TRPC3: variants seen among roughly 807,000 people sequenced by gnomAD.
TRPC3 encodes the protein transient receptor potential cation channel subfamily C member 3.
TRPC3 carries 54 observed loss-of-function variants against 90.9 expected under a neutral mutation model. The observed-to-expected ratio is 0.59, with a 90% CI of 0.48 to 0.75. The LOEUF is 0.75. Ranked by LOEUF, TRPC3 falls within the 30% of genes least tolerant of loss-of-function variation. TRPC3 has a pLI of 0.00. For missense variants in TRPC3, 918 were observed against 1,194.5 expected, an observed-to-expected ratio of 0.77 and a Z score of 3.41; for synonymous variants, 424 against 450.9, an observed-to-expected ratio of 0.94 and a Z score of 0.75.
intron 10 of TRPC3, among the ~76,000 whole-genome samples, chr4:121,895,578 G>C (rs28772897): frequency 2.5e-3 from 382 of 151,924 alleles, no homozygotes; most frequent in African/African-American, 7.7e-3. Flanking sequence ...CAATAAATTA[G>C]AAAACCTGGG....
In TRPC3 at chr4:121,951,564, G is replaced by A. The variant is rs1396082; in HGVS notation, c.117C>T (p.Gly39=). ...EGAEPQRRRR[G]WRGVNGGLEP... Reference sequence around the variant, plus strand: ...CCAGCCCCCCGTTGACGCCCCTCCAGCCCCGGCGGCGGCGCTGCGGCTCCG... The same window carrying A: ...CCAGCCCCCCGTTGACGCCCCTCCAACCCCGGCGGCGGCGCTGCGGCTCCG... Residue 39 remains glycine, a synonymous_variant, in exon 1 of 12, where the codon GGC becomes GGT. Transcript: ENST00000379645. The surrounding 1 kb of genome is among the most constrained non-coding windows in gnomAD (Gnocchi z 4.4). 738,721 of 1,443,972 alleles carry A rather than the reference G, an allele frequency of 0.51. 194,952 individuals are homozygous for A. Among genetic ancestry groups the A allele is most frequent in the East Asian group, 0.55 (18,101 of 32,718 alleles). The allele number at this position is 1,443,972 out of a possible 1,614,324, so 89.4% of individuals were successfully genotyped here. A position where few individuals can be genotyped will look rare whatever the true frequency, so the allele number is the denominator to read the frequency against.
In TRPC3 at chr4:121,877,109, C is replaced by T. The variant is rs1345539682; in HGVS notation, c.*2627G>A. ...AGGGAAAAGACTTGCTGACCCAGAG[C>T]TATCTTTATCCTCAAGTGAAGGACT... On this transcript the variant is annotated 3_prime_UTR_variant, in exon 12 of 12. Coordinates refer to ENST00000379645, the MANE Select transcript of TRPC3 (RefSeq NM_001130698.2). 6.6e-6 allele frequency among the ~76,000 whole-genome samples: 1 copy of T among 152,188 alleles called. No homozygotes were observed.
intron 10 of TRPC3, among the ~76,000 whole-genome samples, chr4:121,891,374 T>TAA (rs758122450): frequency 5.9e-5 from 9 of 152,156 alleles, no homozygotes; most frequent in Non-Finnish European, 1.2e-4. Context: ...AAGAAAGAGA[T>TAA]AAACAGAAAA....
chr4:121,893,437 T>A (rs1728402424), intron 10 of TRPC3, among the ~76,000 whole-genome samples: 1 of 152,214 alleles, frequency 6.6e-6, no homozygotes, highest in Non-Finnish European at 1.5e-5. Context: ...CACACCCAAC[T>A]GTATAATAAT....
At chr4:121,894,202 T>A (rs1728431334) in intron 10 of TRPC3, among the ~76,000 whole-genome samples, 1 of 152,048 alleles carries the variant, frequency 6.6e-6, no homozygotes, top group South Asian at 2.1e-4. Context: ...TATAACCATA[T>A]GATGGAATAC....
At chr4:121,910,463 A>G in intron 5 of TRPC3, 76 bp from the exon 6 acceptor site, 3 of 1,139,128 alleles carry the variant, frequency 2.6e-6, no homozygotes, top group Non-Finnish European at 3.9e-6. Flanking sequence ...GTCCACCATC[A>G]GGTCACATCT....
At chr4:121,895,481 A>C (rs1175502022) in intron 10 of TRPC3, among the ~76,000 whole-genome samples, 1 of 152,120 alleles carries the variant, frequency 6.6e-6, no homozygotes, top group Admixed American at 6.5e-5. Context: ...TCAAATAAAT[A>C]AAATCAGAAA....
In TRPC3 at chr4:121,878,031, T is replaced by G. The variant is rs1473165652; in HGVS notation, c.*1705A>C. ...CCATACTATAAAACTATCAGAAACA[T>G]CTATTATAGAAACTTTGTATCTTTA... is the stretch of plus-strand genomic sequence containing the variant. On this transcript the variant is annotated 3_prime_UTR_variant, in exon 12 of 12. Transcript: ENST00000379645. Among the ~76,000 whole-genome samples, 1 of 152,196 alleles carries G rather than the reference T, an allele frequency of 6.6e-6. No homozygotes were observed. The highest frequency in any genetic ancestry group is 1.5e-5 in the Non-Finnish European group (1 of 68,032).
At chr4:121,946,370 A>G (rs886484214) in intron 1 of TRPC3, among the ~76,000 whole-genome samples, 4 of 152,232 alleles carry the variant, frequency 2.6e-5, no homozygotes, top group Admixed American at 2.0e-4. Context: ...AGGAAAACAC[A>G]CACAGTTAGA....
rs1337035284 is a variant in TRPC3 at position 121,907,408 on chromosome 4, A to G, written c.1952T>C (p.Phe651Ser). ...CATAATAAAGAGGACCATGAACTTG[A>G]ATATGTCCTTTACAGTCCTTCCAAG... is the stretch of plus-strand genomic sequence containing the variant. Reference protein sequence around the residue: ...ISLGRTVKDIFKFMVLFIMVF... With the variant: ...ISLGRTVKDISKFMVLFIMVF... The change falls in exon 7 of 12, where the codon TTC becomes TCC. Residue 651 changes from phenylalanine to serine, a missense_variant. Phe to Ser is a radical substitution (Grantham distance 155). Transcript: ENST00000379645. 1.2e-6 allele frequency: 2 copies of G among 1,613,532 alleles called. No individual in the cohort carries two copies. The highest frequency in any genetic ancestry group is 3.3e-5 in the Admixed American group (2 of 59,964).
intron 10 of TRPC3, among the ~76,000 whole-genome samples, chr4:121,897,897 C>A (rs1728573519): frequency 6.6e-6 from 1 of 152,076 alleles, no homozygotes; most frequent in South Asian, 2.1e-4. Context: ...AATATGAAAT[C>A]AACCTAGGTG....
At chr4:121,894,077 ATTTG>A (rs1728426819) in intron 10 of TRPC3, among the ~76,000 whole-genome samples, 1 of 152,178 alleles carries the variant, frequency 6.6e-6, no homozygotes, top group South Asian at 2.1e-4. Context: ...AATTCCATGT[ATTTG>A]TTCATGATTG....
chr4:121,883,608 A>G (rs1728013880), intron 10 of TRPC3, among the ~76,000 whole-genome samples: 1 of 152,224 alleles, frequency 6.6e-6, no homozygotes, highest in Admixed American at 6.5e-5. Flanking sequence ...AAAGAGAACG[A>G]TTAATAAATC....
At chr4:121,891,423 T>C (rs1005621524) in intron 10 of TRPC3, among the ~76,000 whole-genome samples, 5 of 152,184 alleles carry the variant, frequency 3.3e-5, no homozygotes, top group African/African-American at 9.7e-5. Context: ...CTGACTATGT[T>C]TAACTGTGGG....
Position 121,886,491 on chromosome 4 carries a change from C to T in TRPC3, c.2548-4062G>A, listed in dbSNP as rs60084481. On this transcript the variant is annotated intron_variant, in intron 10 of 11. Coordinates refer to ENST00000379645, the MANE Select transcript of TRPC3 (RefSeq NM_001130698.2). ...TTTGTGAAAGATTACCATTACACAG[C>T]TTCTGTATAAACTTCTGTGATTGAG... 3.9e-3 allele frequency among the ~76,000 whole-genome samples: 596 copies of T among 152,262 alleles called. 2 individuals are homozygous for T. The highest frequency in any genetic ancestry group is 0.014 in the African/African-American group (580 of 41,562).
chr4:121,893,574 T>C (rs1360721858), intron 10 of TRPC3, among the ~76,000 whole-genome samples: 2 of 152,066 alleles, frequency 1.3e-5, no homozygotes, highest in Non-Finnish European at 2.9e-5. Context: ...AAATATTAAA[T>C]AATCTCCTAT....
rs772026687 is a variant in TRPC3, at chr4:121,879,787, T to C, written c.2715A>G (p.Leu905=). The change falls in exon 12 of 12, where the codon CTA becomes CTG. Residue 905 remains leucine, a synonymous_variant. Transcript: ENST00000379645. ...KSQATEELAI[L]IHKLSEKLNP... ...TCAGTTTCTCACTAAGTTTATGAAT[T>C]AGAATGGCTAATTCCTCAGTTGCTT... 4 of 1,609,166 alleles carry C rather than the reference T, an allele frequency of 2.5e-6. No individual in the cohort carries two copies. In the South Asian group the frequency reaches 4.5e-5, roughly 18 times the overall value.
chr4:121,943,253 G>A (rs1730381031), intron 1 of TRPC3, among the ~76,000 whole-genome samples: 1 of 151,928 alleles, frequency 6.6e-6, no homozygotes, highest in African/African-American at 2.4e-5. Context: ...GTGGTGGAGG[G>A]GAATTGAAGT....
intron 3 of TRPC3, among the ~76,000 whole-genome samples, chr4:121,922,168 T>C (rs560947978): frequency 1.3e-3 from 203 of 152,064 alleles, no homozygotes; most frequent in Non-Finnish European, 2.0e-3. Context: ...GTGATCCACC[T>C]GCCTCGGCCC....
Sources: allele counts gnomAD v4.1 joint callset (sites outside exome capture counted in the v4.1 genomes callset), GRCh38; gene constraint gnomAD v4.1.1; non-coding constraint Gnocchi (gnomAD v3.1); transcripts MANE v1.5; gene names NCBI Gene and HGNC (gene_info 2026-07-23, HGNC 2026-07-21).